ERBB4: variants seen among roughly 807,000 people sequenced by gnomAD.
ERBB4 encodes erb-b2 receptor tyrosine kinase 4.
Under a neutral mutation model 158.0 loss-of-function variants are expected in ERBB4, and 42 were observed. The observed-to-expected ratio is 0.27, with a 90% CI of 0.21 to 0.34. The LOEUF (loss-of-function observed/expected upper bound fraction) is 0.34, where lower values mean the gene tolerates loss of function less well. Ranked by LOEUF, ERBB4 falls within the 10% of genes least tolerant of loss-of-function variation. ERBB4 has a pLI of 1.00. For synonymous variants in ERBB4, 583 were observed against 558.7 expected (o/e 1.04, Z -0.61); for missense variants, 1,333 against 1,624.1 (o/e 0.82, Z 3.08).
intron 3 of ERBB4, among the ~76,000 whole-genome samples, chr2:211,861,491 C>T (rs2078054731): frequency 6.6e-6 from 1 of 151,426 alleles, no homozygotes; most frequent in Non-Finnish European, 1.5e-5. Context: ...ACACGAGTCA[C>T]TACACCCAGC....
chr2:211,649,519 G>A (rs147771321), intron 16 of ERBB4, among the ~76,000 whole-genome samples: 58 of 151,852 alleles, frequency 3.8e-4, no homozygotes, highest in Middle Eastern at 3.4e-3. Context: ...TTGAACTCTC[G>A]GATTTCGGGG....
intron 19 of ERBB4, among the ~76,000 whole-genome samples, chr2:211,592,984 G>A (rs1559330803): frequency 1.4e-5 from 2 of 147,534 alleles, no homozygotes; most frequent in Non-Finnish European, 3.0e-5. Context: ...CTGCACTCCA[G>A]CCCAGGATAC....
At chr2:212,469,543 T>C (rs1689010520) in intron 1 of ERBB4, among the ~76,000 whole-genome samples, 1 of 152,172 alleles carries the variant, frequency 6.6e-6, no homozygotes, top group Admixed American at 6.6e-5. Context: ...TCTAAAAAGA[T>C]ATTATGTCTT....
chr2:212,195,139 A>G (rs955747901), intron 1 of ERBB4, among the ~76,000 whole-genome samples: 2 of 152,064 alleles, frequency 1.3e-5, no homozygotes, highest in Admixed American at 1.3e-4. Flanking sequence ...CATTAACTAT[A>G]TAAAGTATTA....
chr2:212,308,408 T>G (rs2086895287), intron 1 of ERBB4, among the ~76,000 whole-genome samples: 1 of 151,098 alleles, frequency 6.6e-6, no homozygotes, highest in South Asian at 2.1e-4. Flanking sequence ...GAAACAATTT[T>G]GTTTATAACA....
chr2:212,018,169 A>C (rs1004886801), intron 2 of ERBB4, among the ~76,000 whole-genome samples: 1 of 152,196 alleles, frequency 6.6e-6, no homozygotes, highest in Non-Finnish European at 1.5e-5. Flanking sequence ...TTTCATTAAA[A>C]GTATAAGTAT....
rs1300046469 is a variant in ERBB4, at chr2:211,861,001, T to TTAA, written c.422-72843_422-72842insTTA. 7.3e-3 allele frequency among the ~76,000 whole-genome samples: 242 copies of TTAA among 33,296 alleles called. 26 individuals are homozygous for TTAA. The highest frequency in any genetic ancestry group is 0.043 in the African/African-American group (231 of 5,420). 21.8% of individuals were successfully genotyped at this position (33,296 alleles called of 152,430 possible). On this transcript the variant is annotated intron_variant, in intron 3 of 27. Coordinates refer to ENST00000342788, the MANE Select transcript of ERBB4 (RefSeq NM_005235.3). ...AAATATATTATATAATATAATATAT[T>TTAA]ATATATTTATATATTTATATATATA...
rs559361857 is a variant in ERBB4 at position 211,662,029 on chromosome 2, A to G, written c.1871+3294T>C. Among the ~76,000 whole-genome samples, 363 of 106,186 alleles carry G rather than the reference A, an allele frequency of 3.4e-3. 3 individuals are homozygous for G. The South Asian group carries it at 0.045, about 13-fold the overall frequency. 69.7% of individuals were successfully genotyped at this position (106,186 alleles called of 152,430 possible). A position where few individuals can be genotyped will look rare whatever the true frequency, so the allele number is the denominator to read the frequency against. On this transcript the variant is annotated intron_variant, in intron 15 of 27. Transcript: ENST00000342788. The stretch of plus-strand genomic sequence containing the variant: ...ACTCCAGCCTGGGCGACAGAGCGGG[A>G]CTCCGTCTCAAAAAAAAAAAAAAAA...
At chr2:211,965,511 T>C (rs1180985371) in intron 2 of ERBB4, among the ~76,000 whole-genome samples, 1 of 152,196 alleles carries the variant, frequency 6.6e-6, no homozygotes, top group African/African-American at 2.4e-5. Flanking sequence ...CTCCACTTTC[T>C]TCTATTTTAC....
At chr2:211,875,520 G>A (rs185686110) in intron 3 of ERBB4, among the ~76,000 whole-genome samples, 4 of 152,262 alleles carry the variant, frequency 2.6e-5, no homozygotes, top group Non-Finnish European at 4.4e-5. Context: ...ATGACAGACT[G>A]CACATATGAT....
chr2:212,018,991 A>G (rs2076587314), intron 2 of ERBB4, among the ~76,000 whole-genome samples: 1 of 152,084 alleles, frequency 6.6e-6, no homozygotes. Context: ...GGAGCTCATA[A>G]CTACTGTCAT....
At chr2:211,592,111 A>G (rs1373640226) in intron 19 of ERBB4, among the ~76,000 whole-genome samples, 1 of 152,156 alleles carries the variant, frequency 6.6e-6, no homozygotes, top group African/African-American at 2.4e-5. Flanking sequence ...TAAAAGGATA[A>G]ATGGTTACAG....
In ERBB4 at chr2:211,732,058, T is replaced by C. The variant is rs10206845; in HGVS notation, c.623-6864A>G. On this transcript the variant is annotated intron_variant, in intron 5 of 27. Transcript: ENST00000342788. ...TTAAGATTTTTAGAAGTAGATTTTATAAGCCAATATTTCCAAACTTCTGCT... is the reference window on the plus strand; with the variant it reads ...TTAAGATTTTTAGAAGTAGATTTTACAAGCCAATATTTCCAAACTTCTGCT... Among the ~76,000 whole-genome samples, 554 of 152,232 alleles carry C rather than the reference T, an allele frequency of 3.6e-3. 5 individuals carry two copies. Among genetic ancestry groups the C allele is most frequent in the African/African-American group, 0.013 (533 of 41,552 alleles).
At chr2:212,208,453 A>G (rs1013784543) in intron 1 of ERBB4, among the ~76,000 whole-genome samples, 2 of 152,166 alleles carry the variant, frequency 1.3e-5, no homozygotes, top group Non-Finnish European at 2.9e-5. Context: ...CCTTGATAAA[A>G]GAGAGACAAA....
chr2:211,839,188 G>T (rs2077413180), intron 3 of ERBB4, among the ~76,000 whole-genome samples: 1 of 108,880 alleles, frequency 9.2e-6, no homozygotes, highest in Non-Finnish European at 2.1e-5. Flanking sequence ...GGAGGAGGAG[G>T]AGGAGGGAAA....
chr2:211,403,766 G>A (rs1324878142), intron 25 of ERBB4, among the ~76,000 whole-genome samples: 2 of 151,908 alleles, frequency 1.3e-5, no homozygotes, highest in African/African-American at 4.8e-5. Flanking sequence ...CGGTTCTTCT[G>A]CCTTTTATTT....
chr2:211,675,730 C>T (rs1354942137), intron 13 of ERBB4, among the ~76,000 whole-genome samples: 1 of 145,928 alleles, frequency 6.9e-6, no homozygotes, highest in Admixed American at 6.9e-5. Context: ...GATTTCTTCT[C>T]TTCTGGAGCC....
At chr2:212,247,066 CA>C (rs2084335821) in intron 1 of ERBB4, among the ~76,000 whole-genome samples, 1 of 151,790 alleles carries the variant, frequency 6.6e-6, no homozygotes, top group Non-Finnish European at 1.5e-5. Flanking sequence ...ATTTTAGTAT[CA>C]ATAAATTATA....
chr2:212,194,684 GAC>G (rs760150044), intron 1 of ERBB4, among the ~76,000 whole-genome samples: 4 of 151,956 alleles, frequency 2.6e-5, no homozygotes, highest in Non-Finnish European at 5.9e-5. Flanking sequence ...AGTCCTTAGA[GAC>G]AGCTCTGTTT....
Sources: allele counts gnomAD v4.1 joint callset (sites outside exome capture counted in the v4.1 genomes callset), GRCh38; gene constraint gnomAD v4.1.1; transcripts MANE v1.5; gene names NCBI Gene and HGNC (gene_info 2026-07-23, HGNC 2026-07-21).